KDM4B: variants seen among roughly 807,000 people sequenced by gnomAD.
KDM4B encodes the protein lysine demethylase 4B, also known as lysine-specific demethylase 4B.
In KDM4B, 32 loss-of-function variants were observed where a neutral mutation model predicts 125.2. The ratio of observed to expected loss-of-function variants is 0.26; its 90% CI spans 0.19 to 0.34. The LOEUF is 0.34. Among genes scored for constraint, KDM4B ranks in the 10% least tolerant of loss-of-function variants. The pLI, the probability that KDM4B is intolerant of heterozygous loss-of-function variation, is 1.00. For synonymous variants in KDM4B, 721 were observed against 677.9 expected, an observed-to-expected ratio of 1.06 and a Z score of -0.99; for missense variants, 1,190 against 1,577.7, an observed-to-expected ratio of 0.75 and a Z score of 4.16.
intron 20 of KDM4B, 94 bp downstream of exon 20, chr19:5,144,506 CG>C (rs1204126568): frequency 9.9e-5 from 15 of 151,332 alleles, no homozygotes; most frequent in Admixed American, 2.6e-4. Flanking sequence ...TGGGGGTGGG[CG>C]GGGGGAAGCT....
At chr19:5,104,781 G>A (rs1022772543) in intron 9 of KDM4B, among the ~76,000 whole-genome samples, 17 of 152,116 alleles carry the variant, frequency 1.1e-4, no homozygotes, top group Admixed American at 5.2e-4. Flanking sequence ...TCCTCAGGCC[G>A]TGCCTCTTCT....
chr19:5,030,023 G>T (rs2036401143), intron 2 of KDM4B, among the ~76,000 whole-genome samples: 1 of 152,232 alleles, frequency 6.6e-6, no homozygotes, highest in South Asian at 2.1e-4. Flanking sequence ...ACACTGCAGG[G>T]TGTGCTGCTG....
chr19:5,137,351 C>T lies in KDM4B; in HGVS notation c.2385+13C>T, dbSNP rs1796379490. The T allele has an allele frequency of 2.6e-6, 4 of 1,554,640 alleles. No individual in the cohort carries two copies. Among genetic ancestry groups the T allele is most frequent in the Non-Finnish European group, 3.5e-6 (4 of 1,149,294 alleles). On this transcript the variant is annotated intron_variant, in intron 16 of 22. Transcript: ENST00000159111. The stretch of plus-strand genomic sequence containing the variant: ...CGCCTGGACTGCGGTAACTCGCTCC[C>T]CGCAGCGGGGGTGGTGCTCTGAGAG...
intron 1 of KDM4B, among the ~76,000 whole-genome samples, chr19:4,982,725 GT>G (rs2034689007): frequency 6.6e-6 from 1 of 151,860 alleles, no homozygotes; most frequent in South Asian, 2.1e-4. Flanking sequence ...CGATTCTCCT[GT>G]CTCAGCCTCC....
rs116447016 is a variant in KDM4B at position 5,132,273 on chromosome 19, G to T, written c.1906+266G>T. ...TGGGCGGTTCAGGGCTGGGGAGCTT[G>T]TACCTCCCCATGGAAGATTCCTCCC... is the stretch of plus-strand genomic sequence containing the variant. On this transcript the variant is annotated intron_variant, in intron 13 of 22. Coordinates refer to ENST00000159111, the MANE Select transcript of KDM4B (RefSeq NM_015015.3). Among the ~76,000 whole-genome samples the T allele has an allele frequency of 7.3e-3, 1,113 of 152,274 alleles. 13 individuals are homozygous for T. Among genetic ancestry groups the T allele is most frequent in the African/African-American group, 0.026 (1,067 of 41,550 alleles).
At position 5,022,241 on chromosome 19, in the gene KDM4B, GC is replaced by G. The variant is rs1458084453; in HGVS notation, c.-26+5905del. Among the ~76,000 whole-genome samples, 6 of 152,276 alleles carry G rather than the reference GC, an allele frequency of 3.9e-5. No individual in the cohort carries two copies. In the East Asian group the frequency reaches 1.2e-3, roughly 29 times the overall value. On this transcript the variant is annotated intron_variant, in intron 2 of 22. Transcript: ENST00000159111. Reference sequence around the variant, plus strand: ...GTCCTATGTTCCCTCTGAGAGTGTGGCCCTGGTCCCTCATCTCCTGGGGATC... The same window carrying G: ...GTCCTATGTTCCCTCTGAGAGTGTGGCCTGGTCCCTCATCTCCTGGGGATC...
intron 10 of KDM4B, chr19:5,113,413 C>T (rs2039191163): frequency 6.6e-6 from 1 of 151,540 alleles, no homozygotes; most frequent in African/African-American, 2.4e-5. Context: ...TTCCAAAGCC[C>T]AAGCTGCCCC....
chr19:5,152,469 T>G lies in KDM4B; in HGVS notation c.*958T>G, dbSNP rs60091853. ...GATGAGGGAGGCCCCCAGGCCCTTCTGGTTGGTAGTGAGTGTGGACAGCTT... is the reference window on the plus strand; with the variant it reads ...GATGAGGGAGGCCCCCAGGCCCTTCGGGTTGGTAGTGAGTGTGGACAGCTT... On this transcript the variant is annotated 3_prime_UTR_variant, in exon 23 of 23. Transcript: ENST00000159111. The G allele has an allele frequency of 0.061, 9,323 of 152,436 alleles. 304 individuals carry two copies. The highest frequency in any genetic ancestry group is 0.075 in the African/African-American group (3,114 of 41,588). The allele number at this position is 152,436 out of a possible 1,614,324, so 9.4% of individuals were successfully genotyped here. A position where few individuals can be genotyped will look rare whatever the true frequency, so the allele number is the denominator to read the frequency against.
In KDM4B at chr19:5,137,256, T is replaced by C; in HGVS notation, c.2309-6T>C. 6.4e-7 allele frequency: 1 copy of C among 1,567,300 alleles called. No individual in the cohort carries two copies. Among genetic ancestry groups the C allele is most frequent in the Non-Finnish European group, 8.7e-7 (1 of 1,156,004 alleles). ...CAGATCTCAGCCAGCCCCCGCTGTC[T>C]TCCAGGTTGCTATGGCATCCGTCCC... On this transcript the variant is annotated splice_polypyrimidine_tract_variant and splice_region_variant and intron_variant, in intron 15 of 22. Transcript: ENST00000159111.
chr19:4,987,009 C>T (rs888539470), intron 1 of KDM4B, among the ~76,000 whole-genome samples: 1 of 151,374 alleles, frequency 6.6e-6, no homozygotes, highest in Non-Finnish European at 1.5e-5. Flanking sequence ...TAGGCTGGAG[C>T]GTAGTGGCAC....
intron 6 of KDM4B, among the ~76,000 whole-genome samples, chr19:5,069,058 G>A (rs1217710604): frequency 2.0e-5 from 3 of 152,070 alleles, no homozygotes; most frequent in African/African-American, 7.2e-5. Flanking sequence ...AAGGTGCTTT[G>A]GATTGGGATT....
At chr19:5,045,999 C>T (rs1349546432) in intron 5 of KDM4B, among the ~76,000 whole-genome samples, 2 of 152,198 alleles carry the variant, frequency 1.3e-5, no homozygotes. Flanking sequence ...TTGTGACTTG[C>T]AAGTATTTTC....
At chr19:5,077,713 A>C in intron 8 of KDM4B, 6 of 460,712 alleles carry the variant, frequency 1.3e-5, no homozygotes, top group Non-Finnish European at 1.6e-5. Context: ...CCAAACCAAA[A>C]CTTCCTCCTG....
chr19:5,112,564 C>G (rs2039170587), intron 10 of KDM4B: 1 of 152,276 alleles, frequency 6.6e-6, no homozygotes, highest in Non-Finnish European at 1.5e-5. Flanking sequence ...GAACTGGTTT[C>G]TGAAAAGTCA....
intron 6 of KDM4B, among the ~76,000 whole-genome samples, chr19:5,067,298 C>T (rs1053464844): frequency 2.0e-5 from 3 of 152,178 alleles, no homozygotes; most frequent in African/African-American, 7.2e-5. Context: ...TGCACAGACC[C>T]ACGAGATTCC....
intron 21 of KDM4B, among the ~76,000 whole-genome samples, chr19:5,149,888 C>T (rs1041395775): frequency 2.0e-5 from 3 of 152,232 alleles, no homozygotes; most frequent in Non-Finnish European, 4.4e-5. Flanking sequence ...CCCTGTCCTT[C>T]ACCTTCTGGT....
At chr19:5,132,985 G>GCCTGCCCTGC (rs780991698) in intron 13 of KDM4B, among the ~76,000 whole-genome samples, 3 of 152,156 alleles carry the variant, frequency 2.0e-5, no homozygotes, top group Admixed American at 6.5e-5. Context: ...ACCTCGGGGA[G>GCCTGCCCTGC]CCTGCCCTGC....
At chr19:5,109,982 G>A (rs951423713) in intron 9 of KDM4B, among the ~76,000 whole-genome samples, 1 of 152,220 alleles carries the variant, frequency 6.6e-6, no homozygotes, top group Non-Finnish European at 1.5e-5. Context: ...CCAACAGGAG[G>A]CATCTGAACC....
At chr19:5,139,285 T>C (rs2146086287) in intron 18 of KDM4B, among the ~76,000 whole-genome samples, 1 of 152,296 alleles carries the variant, frequency 6.6e-6, no homozygotes, top group East Asian at 1.9e-4. Flanking sequence ...GTTCCTTCTT[T>C]TCCTGGCTCA....
Sources: gnomAD v4.1 joint callset for allele counts (sites outside exome capture counted in the v4.1 genomes callset) on GRCh38, gnomAD v4.1.1 for gene constraint, MANE v1.5 for transcripts, NCBI Gene and HGNC (gene_info 2026-07-23, HGNC 2026-07-21) for gene names.